PTCSC3: variants seen among roughly 807,000 people sequenced by gnomAD.
PTCSC3 encodes papillary thyroid carcinoma susceptibility candidate 3.
chr14:36,139,329 GAAC>G (rs1881368115), intron 3 of PTCSC3, among the ~76,000 whole-genome samples: 1 of 152,102 alleles, frequency 6.6e-6, no homozygotes, highest in Non-Finnish European at 1.5e-5. Context: ...CATGTTGAAA[GAAC>G]AAAGCCAGAT....
At chr14:36,157,003 TG>T (rs1181757532) in intron 2 of PTCSC3, among the ~76,000 whole-genome samples, 1 of 152,186 alleles carries the variant, frequency 6.6e-6, no homozygotes, top group African/African-American at 2.4e-5. Flanking sequence ...TCTTCCACAA[TG>T]GTTGAACTAA....
At chr14:36,140,778 C>G (rs976890665) in intron 3 of PTCSC3, among the ~76,000 whole-genome samples, 1 of 151,830 alleles carries the variant, frequency 6.6e-6, no homozygotes, top group African/African-American at 2.4e-5. Context: ...ATGGATTGTA[C>G]CTTTGATGTT....
intron 1 of PTCSC3, among the ~76,000 whole-genome samples, chr14:36,173,644 T>C (rs551426136): frequency 6.7e-6 from 1 of 148,878 alleles, no homozygotes; most frequent in East Asian, 2.0e-4. Context: ...CCTGAAGACG[T>C]TTGTCTAAAA....
chr14:36,150,490 TACTC>T (rs1297489354), intron 3 of PTCSC3, among the ~76,000 whole-genome samples: 2 of 152,218 alleles, frequency 1.3e-5, no homozygotes, highest in African/African-American at 4.8e-5. Flanking sequence ...TTTTATGAAA[TACTC>T]AGTTTATAGT....
intron 3 of PTCSC3, among the ~76,000 whole-genome samples, chr14:36,141,482 A>G (rs998205599): frequency 1.3e-5 from 2 of 151,968 alleles, no homozygotes; most frequent in Non-Finnish European, 2.9e-5. Context: ...CATCCCAGGT[A>G]GCTGGGATTA....
chr14:36,141,774 CT>C (rs1052996611), intron 3 of PTCSC3, among the ~76,000 whole-genome samples: 148 of 152,008 alleles, frequency 9.7e-4, no homozygotes, highest in African/African-American at 3.4e-3. Flanking sequence ...AGATTTACAC[CT>C]AGTTATTTTG....
chr14:36,151,386 T>G (rs1881720337), intron 3 of PTCSC3, among the ~76,000 whole-genome samples: 1 of 152,172 alleles, frequency 6.6e-6, no homozygotes, highest in Non-Finnish European at 1.5e-5. Context: ...TCCCTTGGTA[T>G]TCTCTGAGCT....
chr14:36,138,639 A>G (rs1881342170), intron 3 of PTCSC3, among the ~76,000 whole-genome samples: 1 of 152,234 alleles, frequency 6.6e-6, no homozygotes, highest in Admixed American at 6.5e-5. Context: ...CTACATACCC[A>G]CTAGAATGGC....
intron 3 of PTCSC3, among the ~76,000 whole-genome samples, chr14:36,138,873 A>G (rs1324755755): frequency 2.6e-5 from 4 of 152,140 alleles, no homozygotes; most frequent in Non-Finnish European, 5.9e-5. Context: ...TAATCCTAGC[A>G]CTTTGGGAGG....
chr14:36,157,075 G>T (rs939811828), intron 2 of PTCSC3, among the ~76,000 whole-genome samples: 26 of 152,170 alleles, frequency 1.7e-4, no homozygotes, highest in Non-Finnish European at 4.4e-5. Flanking sequence ...TCCAGCATCT[G>T]TTGTTTCCTG....
chr14:36,159,026 C>G (rs12881133), intron 2 of PTCSC3, among the ~76,000 whole-genome samples: 59,726 of 151,902 alleles, frequency 0.39, 14,569 homozygotes, highest in Non-Finnish European at 0.54. Flanking sequence ...TCTAGATTTT[C>G]TAGTTTATTT....
chr14:36,165,722 C>CTTT (rs71448056), intron 1 of PTCSC3, among the ~76,000 whole-genome samples: 14 of 124,800 alleles, frequency 1.1e-4, no homozygotes, highest in African/African-American at 3.7e-4. Context: ...TTTATTTTTC[C>CTTT]TTTTTTTTTT....
chr14:36,157,431 T>C (rs1881854072), intron 2 of PTCSC3, among the ~76,000 whole-genome samples: 1 of 152,224 alleles, frequency 6.6e-6, no homozygotes, highest in Non-Finnish European at 1.5e-5. Context: ...ATTTTGGCTT[T>C]TGTTGCCATT....
intron 3 of PTCSC3, among the ~76,000 whole-genome samples, chr14:36,141,830 C>A (rs545255761): frequency 5.0e-4 from 76 of 152,152 alleles, no homozygotes; most frequent in Admixed American, 1.7e-3. Flanking sequence ...ATTTCAAATT[C>A]CAATTGTTTA....
At chr14:36,154,310 T>G (rs1002285992) in intron 2 of PTCSC3, among the ~76,000 whole-genome samples, 1 of 152,156 alleles carries the variant, frequency 6.6e-6, no homozygotes, top group South Asian at 2.1e-4. Flanking sequence ...TGTTAACTTA[T>G]GTACATTATT....
At chr14:36,161,520 A>T (rs551529937) in intron 2 of PTCSC3, among the ~76,000 whole-genome samples, 1 of 152,278 alleles carries the variant, frequency 6.6e-6, no homozygotes, top group East Asian at 1.9e-4. Flanking sequence ...GGTCCACTCC[A>T]GGCCCCTGTT....
chr14:36,164,521 C>T (rs547285803), intron 1 of PTCSC3, among the ~76,000 whole-genome samples: 1 of 152,056 alleles, frequency 6.6e-6, no homozygotes, highest in Non-Finnish European at 1.5e-5. Flanking sequence ...ACCAGTCATT[C>T]TTTTCATCAT....
intron 1 of PTCSC3, among the ~76,000 whole-genome samples, chr14:36,174,496 T>C (rs1882247533): frequency 6.6e-6 from 1 of 152,204 alleles, no homozygotes; most frequent in African/African-American, 2.4e-5. Context: ...TTTATTTGTA[T>C]GTCTAGTGAT....
chr14:36,138,145 T>C (rs866716861), intron 3 of PTCSC3, among the ~76,000 whole-genome samples: 2 of 149,018 alleles, frequency 1.3e-5, no homozygotes, highest in Admixed American at 6.8e-5. Flanking sequence ...GTTTTTCTGA[T>C]AAATGGTGCT....
Sources: allele counts gnomAD v4.1 joint callset (sites outside exome capture counted in the v4.1 genomes callset), GRCh38; gene constraint gnomAD v4.1.1; transcripts MANE v1.5; gene names NCBI Gene and HGNC (gene_info 2026-07-23, HGNC 2026-07-21).